The following EPHB1 variants were observed in gnomAD, a reference collection of about 807,000 sequenced individuals.
EPHB1 encodes ephrin type-B receptor 1.
EPHB1 carries 30 observed loss-of-function variants against 94.4 expected under a neutral mutation model. That is an observed-to-expected ratio of 0.32 (90% CI 0.24 to 0.43). The LOEUF (loss-of-function observed/expected upper bound fraction) is 0.43. EPHB1 is among the 20% of genes least tolerant of loss of function. The pLI is 1.00. For synonymous variants in EPHB1, 522 were observed against 489.1 expected (o/e 1.07, Z -0.89); for missense variants, 1,055 against 1,308.3 (o/e 0.81, Z 2.99).
chr3:135,201,710 T>C (rs768448072), intron 12 of EPHB1, 21 bp downstream of exon 12: 1 of 1,608,498 alleles, frequency 6.2e-7, no homozygotes, highest in South Asian at 1.1e-5. Context: ...CTTGGCATTC[T>C]CAAGTAGAAG....
rs143196144 is a variant in EPHB1 at position 135,038,060 on chromosome 3, G to C, written c.806-68388G>C. 7.0e-3 allele frequency among the ~76,000 whole-genome samples: 1,069 copies of C among 152,304 alleles called. 8 individuals carry two copies. Among genetic ancestry groups the C allele is most frequent in the South Asian group, 0.022 (104 of 4,824 alleles). On this transcript the variant is annotated intron_variant, in intron 3 of 15. Transcript: ENST00000398015. ...GGGTGTGTCCCCTTCCTGCAAGTATGCTTCTCCCACTATCCTCACCAGAGT... is the reference window on the plus strand; with the variant it reads ...GGGTGTGTCCCCTTCCTGCAAGTATCCTTCTCCCACTATCCTCACCAGAGT...
chr3:135,163,268 G>A (rs1941561999), intron 7 of EPHB1, among the ~76,000 whole-genome samples: 2 of 152,184 alleles, frequency 1.3e-5, no homozygotes, highest in South Asian at 2.1e-4. Context: ...TGAAAAAATT[G>A]TAAGAGAAGC....
chr3:135,207,823 T>C (rs1243237843), intron 12 of EPHB1, among the ~76,000 whole-genome samples: 2 of 152,354 alleles, frequency 1.3e-5, no homozygotes, highest in Non-Finnish European at 2.9e-5. Flanking sequence ...TATTGAGGGC[T>C]CTATTCCTGG....
chr3:134,989,614 G>A (rs1457337826), intron 3 of EPHB1, among the ~76,000 whole-genome samples: 1 of 152,110 alleles, frequency 6.6e-6, no homozygotes, highest in Non-Finnish European at 1.5e-5. Flanking sequence ...TATCTTCACT[G>A]TAACTAGAAA....
intron 3 of EPHB1, among the ~76,000 whole-genome samples, chr3:134,962,718 G>A (rs1933567935): frequency 6.6e-6 from 1 of 151,730 alleles, no homozygotes; most frequent in South Asian, 2.1e-4. Flanking sequence ...CTTACCTCTG[G>A]GGCCTCTAGC....
In EPHB1 at chr3:135,092,432, T is replaced by C. The variant is rs538478484; in HGVS notation, c.806-14016T>C. Among the ~76,000 whole-genome samples, 135 of 152,242 alleles carry C rather than the reference T, an allele frequency of 8.9e-4. 1 individual carries two copies. The South Asian group carries it at 0.017, about 19-fold the overall frequency. ...TTGGCTGCTGGTAGGGTGCTTCTGC[T>C]CTCTTCTAAAGCACAGGTTCCTCCC... is the stretch of plus-strand genomic sequence containing the variant. On this transcript the variant is annotated intron_variant, in intron 3 of 15. Transcript: ENST00000398015.
intron 1 of EPHB1, among the ~76,000 whole-genome samples, chr3:134,911,653 T>A (rs36209): frequency 2.0e-5 from 3 of 152,154 alleles, no homozygotes; most frequent in East Asian, 1.9e-4. Context: ...GGCAGCAGCC[T>A]CTGCATGGCA....
chr3:134,826,011 G>A (rs1437528378), intron 1 of EPHB1, among the ~76,000 whole-genome samples: 1 of 151,346 alleles, frequency 6.6e-6, no homozygotes, highest in East Asian at 1.9e-4. Context: ...GGAGGCTGAG[G>A]CAGGTGGATC....
chr3:135,019,036 T>A (rs1184816184), intron 3 of EPHB1, among the ~76,000 whole-genome samples: 1 of 151,932 alleles, frequency 6.6e-6, no homozygotes, highest in Admixed American at 6.6e-5. Flanking sequence ...GCACCACGTG[T>A]TCAGTGGCGT....
At chr3:134,996,332 T>C (rs1446768594) in intron 3 of EPHB1, among the ~76,000 whole-genome samples, 3 of 152,128 alleles carry the variant, frequency 2.0e-5, no homozygotes, top group African/African-American at 4.8e-5. Context: ...TAGCTGGGAC[T>C]GCAGGCACAC....
At chr3:134,800,260 A>C (rs2035911893) in intron 1 of EPHB1, among the ~76,000 whole-genome samples, 1 of 152,192 alleles carries the variant, frequency 6.6e-6, no homozygotes, top group South Asian at 2.1e-4. Flanking sequence ...ACCCAATATA[A>C]GGACACACTC....
At chr3:134,916,262 C>T (rs959142498) in intron 1 of EPHB1, among the ~76,000 whole-genome samples, 8 of 152,162 alleles carry the variant, frequency 5.3e-5, no homozygotes, top group Non-Finnish European at 1.0e-4. Flanking sequence ...TCTCCAAGTC[C>T]CCACTAGACT....
At chr3:134,886,724 C>G (rs1338900280) in intron 1 of EPHB1, among the ~76,000 whole-genome samples, 1 of 152,070 alleles carries the variant, frequency 6.6e-6, no homozygotes, top group Non-Finnish European at 1.5e-5. Context: ...ATGTTTTATC[C>G]TAAGCTCACA....
At chr3:134,959,298 AG>A (rs998731441) in intron 3 of EPHB1, among the ~76,000 whole-genome samples, 25 of 152,018 alleles carry the variant, frequency 1.6e-4, no homozygotes, top group African/African-American at 6.0e-4. Context: ...TTATCCAGAG[AG>A]GGGTCCGCCA....
chr3:135,058,722 C>T (rs1233651111), intron 3 of EPHB1, among the ~76,000 whole-genome samples: 2 of 152,228 alleles, frequency 1.3e-5, no homozygotes, highest in Non-Finnish European at 2.9e-5. Context: ...GGGGCCCAGT[C>T]AGAGCATCCT....
chr3:135,250,800 G>A (rs1451262089), intron 15 of EPHB1, among the ~76,000 whole-genome samples: 3 of 152,116 alleles, frequency 2.0e-5, no homozygotes, highest in African/African-American at 7.2e-5. Flanking sequence ...GCAGCCTGTA[G>A]TACACATTTC....
chr3:134,963,520 A>C (rs925218857), intron 3 of EPHB1, among the ~76,000 whole-genome samples: 2 of 152,170 alleles, frequency 1.3e-5, no homozygotes, highest in African/African-American at 4.8e-5. Flanking sequence ...TGTGGCTGTC[A>C]TTTATAAAGC....
intron 1 of EPHB1, among the ~76,000 whole-genome samples, chr3:134,825,963 T>C (rs7648596): frequency 0.99 from 149,811 of 152,072 alleles, 73,807 homozygotes; most frequent in East Asian, 1. Flanking sequence ...CAATTGAGAC[T>C]GGGTGCGGTG....
chr3:134,887,419 G>T (rs955215289), intron 1 of EPHB1, among the ~76,000 whole-genome samples: 1 of 152,214 alleles, frequency 6.6e-6, no homozygotes, highest in Non-Finnish European at 1.5e-5. Context: ...GGAAGATGGA[G>T]AAATATCATT....
Sources: gnomAD v4.1 joint callset for allele counts (sites outside exome capture counted in the v4.1 genomes callset) on GRCh38, gnomAD v4.1.1 for gene constraint, MANE v1.5 for transcripts, NCBI Gene and HGNC (gene_info 2026-07-23, HGNC 2026-07-21) for gene names.